The following COL18A1 variants were observed in gnomAD, a reference collection of about 807,000 sequenced individuals.
The protein encoded by COL18A1 is collagen alpha-1(XVIII) chain.
In COL18A1, 133 loss-of-function variants were observed where a neutral mutation model predicts 168.0. The ratio of observed to expected loss-of-function variants is 0.79; its 90% CI spans 0.69 to 0.91. COL18A1 has a LOEUF of 0.91. Ranked by LOEUF, COL18A1 falls within the 40% of genes least tolerant of loss-of-function variation. The pLI is 0.00. For synonymous variants in COL18A1, 949 were observed against 809.0 expected, an observed-to-expected ratio of 1.17 and a Z score of -2.94; for missense variants, 2,126 against 1,925.4, an observed-to-expected ratio of 1.10 and a Z score of -1.95.
At position 45,505,909 on chromosome 21, in the gene COL18A1, C is replaced by G. The variant is rs371774034; in HGVS notation, c.3159C>G (p.Phe1053Leu). The G allele has an allele frequency of 1.9e-6, 3 of 1,612,986 alleles. No individual in the cohort carries two copies. The highest frequency in any genetic ancestry group is 2.5e-6 in the Non-Finnish European group (3 of 1,179,922). The change falls in exon 37 of 42, where the codon TTC becomes TTG. Residue 1053 changes from phenylalanine (F) to leucine (L), a missense_variant. Physicochemically the swap from Phe to Leu is conservative, Grantham distance 22 (BLOSUM62 0). Coordinates refer to ENST00000651438, the MANE Select transcript of COL18A1 (RefSeq NM_001379500.1). ...AGGTTCCCGAGGGCTGGCTCATCTT[C>G]GTGGCCGAGCAGGAGGAGCTCTACG... ...VHEVPEGWLIFVAEQEELYVR... is the reference protein window; with the variant it reads ...VHEVPEGWLILVAEQEELYVR...
intron 2 of COL18A1, among the ~76,000 whole-genome samples, chr21:45,430,713 T>C (rs2033931600): frequency 6.6e-6 from 1 of 152,120 alleles, no homozygotes; most frequent in African/African-American, 2.4e-5. Context: ...CCTTTATTTC[T>C]AGGCAGGAGG....
At chr21:45,405,289 T>TGCGGGGCTGCGGGGGTCGCGGGGGTC (rs1569270102) in intron 1 of COL18A1, 48 bp downstream of exon 1, 1 of 713,906 alleles carries the variant, frequency 1.4e-6, no homozygotes, top group Non-Finnish European at 1.9e-6. Context: ...AAGATGCGGC[T>TGCGGGGCTGCGGGGGTCGCGGGGGTC]GCGGGGGTCG....
Position 45,489,512 on chromosome 21 carries a change from G to A in COL18A1, c.1950G>A (p.Pro650=), listed in dbSNP as rs61731167. ...LKGDPGVPGL[P]GAKGEVGADG... is the part of the protein sequence containing the mutation. ...GGGATCCTGGCGTGCCTGGGCTGCC[G>A]GGGGCGAAGGTAAGCGCTGTGCCCG... The change falls in exon 19 of 42, where the codon CCG becomes CCA. Residue 650 remains proline (P), a synonymous_variant. Transcript: ENST00000651438. 0.065 allele frequency: 103,189 copies of A among 1,599,814 alleles called. 3,930 individuals carry two copies. Among genetic ancestry groups the A allele is most frequent in the South Asian group, 0.1 (9,067 of 89,240 alleles).
intron 39 of COL18A1, 43 bp downstream of exon 39, chr21:45,509,644 C>A (rs748548276): frequency 1.9e-6 from 2 of 1,028,150 alleles, no homozygotes; most frequent in Non-Finnish European, 2.9e-6. Context: ...TCTAGCCCCT[C>A]GGCTCTCGGC....
chr21:45,429,027 C>A (rs568789328), intron 2 of COL18A1, among the ~76,000 whole-genome samples: 159 of 151,962 alleles, frequency 1.0e-3, no homozygotes, highest in African/African-American at 3.7e-3. Context: ...CTCAGCCTCC[C>A]GAGTAGCTGG....
rs2037175689 is a variant in COL18A1, at chr21:45,505,913, G to T, written c.3163G>T (p.Ala1055Ser). 6.2e-7 allele frequency: 1 copy of T among 1,613,002 alleles called. No homozygotes were observed. Among genetic ancestry groups the T allele is most frequent in the Non-Finnish European group, 8.5e-7 (1 of 1,179,988 alleles). ...TCCCGAGGGCTGGCTCATCTTCGTG[G>T]CCGAGCAGGAGGAGCTCTACGTCCG... is the stretch of plus-strand genomic sequence containing the variant. ...EVPEGWLIFV[A>S]EQEELYVRVQ... is the part of the protein sequence containing the mutation. The change falls in exon 37 of 42, where the codon GCC (alanine) becomes TCC (serine). Residue 1055 changes from alanine to serine, a missense_variant. Coordinates refer to ENST00000651438, the MANE Select transcript of COL18A1 (RefSeq NM_001379500.1).
At chr21:45,507,631 C>T (rs2037299260) in intron 38 of COL18A1, 38 bp downstream of exon 38, 1 of 1,601,998 alleles carries the variant, frequency 6.2e-7, no homozygotes, top group Admixed American at 1.7e-5. Context: ...GGTGGGTGGT[C>T]AGGACATGAG....
chr21:45,497,833 C>A (rs2036593855), intron 32 of COL18A1, 172 bp downstream of exon 32: 2 of 872,620 alleles, frequency 2.3e-6, no homozygotes, highest in Non-Finnish European at 3.5e-6. Context: ...CCTCATAGGA[C>A]CTGGATTTGG....
intron 2 of COL18A1, among the ~76,000 whole-genome samples, chr21:45,426,613 C>T (rs1028983876): frequency 1.3e-5 from 2 of 152,196 alleles, no homozygotes; most frequent in African/African-American, 2.4e-5. Flanking sequence ...CTGGAAGCCC[C>T]CAGAAACCCT....
rs767332921 is a variant in COL18A1 at position 45,455,602 on chromosome 21, C to T, written c.107-12640C>T. On this transcript the variant is annotated intron_variant, in intron 2 of 41. Transcript: ENST00000651438. ...GCTGCCTGGCGGCTGCCCGGGCCAA[C>T]CTGCTGAACCTGAACTGGCTTTGGT... 18 of 1,613,864 alleles carry T rather than the reference C, an allele frequency of 1.1e-5. No individual in the cohort carries two copies. Among genetic ancestry groups the T allele is most frequent in the Admixed American group, 6.7e-5 (4 of 60,010 alleles).
At chr21:45,414,653 C>A (rs1311159043) in intron 2 of COL18A1, among the ~76,000 whole-genome samples, 1 of 152,248 alleles carries the variant, frequency 6.6e-6, no homozygotes, top group Non-Finnish European at 1.5e-5. Flanking sequence ...GGACAGCCAG[C>A]CTCCCAGACC....
chr21:45,414,848 G>A (rs577523351), intron 2 of COL18A1, among the ~76,000 whole-genome samples: 1 of 152,204 alleles, frequency 6.6e-6, no homozygotes, highest in Non-Finnish European at 1.5e-5. Flanking sequence ...CTGTGTGTGG[G>A]ATGAGGCTCA....
intron 2 of COL18A1, chr21:45,407,759 GC>G: frequency 6.5e-6 from 1 of 152,840 alleles, no homozygotes; most frequent in Non-Finnish European, 1.5e-5. Context: ...CCTCCCTGCA[GC>G]CCCCAGAAGA....
chr21:45,489,603 G>A, intron 19 of COL18A1, 82 bp downstream of exon 19: 1 of 913,448 alleles, frequency 1.1e-6, no homozygotes, highest in East Asian at 2.7e-5. Flanking sequence ...GATCAGCTCG[G>A]GGCGGCCTTC....
intron 32 of COL18A1, 52 bp from the exon 33 acceptor site, chr21:45,503,959 C>T (rs373984676): frequency 1.5e-4 from 238 of 1,608,470 alleles, no homozygotes; most frequent in East Asian, 1.1e-3. Context: ...AGAGGGAACC[C>T]GGCGCTGTCA....
chr21:45,491,756 G>A (rs557557961), intron 22 of COL18A1, among the ~76,000 whole-genome samples: 1 of 152,276 alleles, frequency 6.6e-6, no homozygotes, highest in African/African-American at 2.4e-5. Flanking sequence ...CACCCTCTGC[G>A]CCTGCCAGCA....
chr21:45,494,089 C>T lies in COL18A1; in HGVS notation c.2353-456C>T, dbSNP rs372003305. On this transcript the variant is annotated intron_variant, in intron 26 of 41. Transcript: ENST00000651438. ...CCTGGATCTTTGGAGTGTGGGCCAC[C>T]GGCTCTCCCACTTTCAGAGGGAGCA... The T allele has an allele frequency of 1.0e-5, 3 of 298,350 alleles. No homozygotes were observed. In the South Asian group the frequency reaches 1.1e-4, roughly 11 times the overall value. The allele number at this position is 298,350 out of a possible 1,614,324, so 18.5% of individuals were successfully genotyped here. A position where few individuals can be genotyped will look rare whatever the true frequency, so the allele number is the denominator to read the frequency against.
intron 2 of COL18A1, among the ~76,000 whole-genome samples, chr21:45,437,688 G>GCACA (rs777364868): frequency 9.2e-5 from 3 of 32,704 alleles, no homozygotes; most frequent in Non-Finnish European, 1.5e-4. Flanking sequence ...GCACTCTCCT[G>GCACA]CACACACACA....
At chr21:45,497,779 C>T in intron 32 of COL18A1, 118 bp downstream of exon 32, 1 of 1,393,860 alleles carries the variant, frequency 7.2e-7, no homozygotes, top group East Asian at 2.5e-5. Context: ...TGGTGACCAC[C>T]TCACCCTGCG....
Sources: allele counts gnomAD v4.1 joint callset (sites outside exome capture counted in the v4.1 genomes callset), GRCh38; gene constraint gnomAD v4.1.1; transcripts MANE v1.5; gene names NCBI Gene and HGNC (gene_info 2026-07-23, HGNC 2026-07-21).